CSMD1: variants seen among roughly 807,000 people sequenced by gnomAD.
The protein encoded by CSMD1 is CUB and Sushi multiple domains 1.
A neutral mutation model predicts 417.5 loss-of-function variants in CSMD1; 213 were observed. That is an observed-to-expected ratio of 0.51 (90% CI 0.46 to 0.57). The LOEUF is 0.57. Among genes scored for constraint, CSMD1 ranks in the 20% least tolerant of loss-of-function variants. The probability of loss-of-function intolerance (pLI) is 0.00; values close to 1 mark genes in which losing one functional copy is unlikely to be tolerated. For missense variants in CSMD1, 6,923 were observed against 4,529.7 expected, an observed-to-expected ratio of 1.53 and a Z score of -15.17; for synonymous variants, 2,862 against 1,736.8, an observed-to-expected ratio of 1.65 and a Z score of -16.11.
chr8:4,121,972 T>A (rs1277025067), intron 3 of CSMD1, among the ~76,000 whole-genome samples: 1 of 152,042 alleles, frequency 6.6e-6, no homozygotes, highest in Non-Finnish European at 1.5e-5. Context: ...TAATAATGCT[T>A]ATGTATAGAT....
At chr8:3,597,691 A>T (rs964425662) in intron 8 of CSMD1, among the ~76,000 whole-genome samples, 1 of 152,222 alleles carries the variant, frequency 6.6e-6, no homozygotes, top group Non-Finnish European at 1.5e-5. Context: ...TTGCAGGGAC[A>T]TGGATGAAAC....
chr8:4,055,878 T>C (rs1206157233), intron 3 of CSMD1, among the ~76,000 whole-genome samples: 2 of 152,160 alleles, frequency 1.3e-5, no homozygotes, highest in Admixed American at 6.6e-5. Flanking sequence ...CATACCAAAA[T>C]AGCACTTACA....
chr8:4,023,877 A>T (rs1272521025), intron 4 of CSMD1, among the ~76,000 whole-genome samples: 1 of 147,612 alleles, frequency 6.8e-6, no homozygotes, highest in African/African-American at 2.5e-5. Context: ...TTGGCCTCCC[A>T]AAGTGCTGGG....
chr8:4,076,216 G>C (rs1799814943), intron 3 of CSMD1, among the ~76,000 whole-genome samples: 1 of 152,136 alleles, frequency 6.6e-6, no homozygotes, highest in African/African-American at 2.4e-5. Flanking sequence ...GGTTTTAGAA[G>C]GGGCTTTTCC....
intron 1 of CSMD1, among the ~76,000 whole-genome samples, chr8:4,674,554 T>A (rs895814949): frequency 6.6e-5 from 10 of 152,078 alleles, no homozygotes; most frequent in African/African-American, 2.4e-4. Flanking sequence ...ATAATAGTAT[T>A]GAACAAAGAT....
chr8:4,359,874 T>G (rs1260562081), intron 3 of CSMD1, among the ~76,000 whole-genome samples: 1 of 152,232 alleles, frequency 6.6e-6, no homozygotes, highest in Non-Finnish European at 1.5e-5. Context: ...ACAACACTAC[T>G]AAATTCTAAA....
chr8:3,219,206 C>T (rs1391168012), intron 29 of CSMD1, 49 bp downstream of exon 29: 2 of 1,452,218 alleles, frequency 1.4e-6, no homozygotes, highest in African/African-American at 2.8e-5. Context: ...ACAATAAAAA[C>T]AGTCCTGATA....
chr8:4,033,244 T>A lies in CSMD1; in HGVS notation c.416-1145A>T, dbSNP rs1797446372. Among the ~76,000 whole-genome samples the A allele has an allele frequency of 2.1e-5, 3 of 146,184 alleles. No individual in the cohort carries two copies. In the Admixed American group the frequency reaches 2.1e-4, roughly 10 times the overall value. On this transcript the variant is annotated intron_variant, in intron 3 of 69. Transcript: ENST00000635120. ...TCGTGAGGTCAAGAGATCGAGACCA[T>A]CCTGGCTAACACGGTGAAACCCTGT... is the stretch of plus-strand genomic sequence containing the variant.
At chr8:4,343,255 G>T (rs77239888) in intron 3 of CSMD1, among the ~76,000 whole-genome samples, 2 of 152,082 alleles carry the variant, frequency 1.3e-5, no homozygotes, top group African/African-American at 4.8e-5. Context: ...GGAGGATGGA[G>T]GTTGCCAGTG....
intron 21 of CSMD1, among the ~76,000 whole-genome samples, chr8:3,357,046 G>A (rs1808842683): frequency 6.6e-6 from 1 of 152,084 alleles, no homozygotes; most frequent in Non-Finnish European, 1.5e-5. Flanking sequence ...AGTGAGGTGG[G>A]GCTAGGAGGG....
chr8:4,043,096 C>A (rs1324260028), intron 3 of CSMD1, among the ~76,000 whole-genome samples: 6 of 152,052 alleles, frequency 3.9e-5, no homozygotes, highest in Admixed American at 3.9e-4. Flanking sequence ...TGCACCACTG[C>A]ACTTCCAGCC....
chr8:4,247,467 C>G (rs1482146305), intron 3 of CSMD1, among the ~76,000 whole-genome samples: 1 of 152,128 alleles, frequency 6.6e-6, no homozygotes, highest in African/African-American at 2.4e-5. Flanking sequence ...AAAATGCTTT[C>G]TATCTCAATA....
chr8:3,281,311 G>C (rs530520052), intron 26 of CSMD1, among the ~76,000 whole-genome samples: 6 of 152,040 alleles, frequency 3.9e-5, no homozygotes, highest in Non-Finnish European at 7.4e-5. Flanking sequence ...AGGTGTGTTG[G>C]TGCGTGCTTG....
intron 57 of CSMD1, among the ~76,000 whole-genome samples, chr8:2,969,880 T>G (rs1804293618): frequency 6.6e-6 from 1 of 152,166 alleles, no homozygotes; most frequent in Non-Finnish European, 1.5e-5. Flanking sequence ...GTAACATATA[T>G]TGCAGTGGGC....
chr8:4,843,717 T>G (rs1368559401), intron 1 of CSMD1, among the ~76,000 whole-genome samples: 1 of 152,236 alleles, frequency 6.6e-6, no homozygotes, highest in Non-Finnish European at 1.5e-5. Flanking sequence ...TATATTATTC[T>G]GTTTTACACA....
In CSMD1 at chr8:2,966,553, G is replaced by T; in HGVS notation, c.9100+17C>A. On this transcript the variant is annotated intron_variant, in intron 58 of 69. Coordinates refer to ENST00000635120, the MANE Select transcript of CSMD1 (RefSeq NM_033225.6). The stretch of plus-strand genomic sequence containing the variant: ...TCATAGTAACGTCTGAGTCTACCAT[G>T]ATGTCTGCTTACTAACTTGTGCAGT... The T allele has an allele frequency of 6.2e-7, 1 of 1,608,082 alleles. No individual in the cohort carries two copies. Among genetic ancestry groups the T allele is most frequent in the South Asian group, 1.1e-5 (1 of 90,724 alleles).
chr8:3,783,544 G>T (rs895988801), intron 5 of CSMD1, among the ~76,000 whole-genome samples: 9 of 152,196 alleles, frequency 5.9e-5, no homozygotes, highest in Non-Finnish European at 1.0e-4. Flanking sequence ...CCCCTAAGGT[G>T]GGCACAGGAG....
At chr8:3,430,082 T>C (rs1325431993) in intron 12 of CSMD1, among the ~76,000 whole-genome samples, 15 of 152,184 alleles carry the variant, frequency 9.9e-5, no homozygotes, top group East Asian at 1.9e-4. Flanking sequence ...CACACATGCA[T>C]ATATACATAT....
chr8:3,491,033 C>T (rs1017633966), intron 11 of CSMD1, among the ~76,000 whole-genome samples: 1 of 152,114 alleles, frequency 6.6e-6, no homozygotes, highest in African/African-American at 2.4e-5. Context: ...TCTTCATCCC[C>T]AAATTCCTCA....
Sources: gnomAD v4.1 joint callset for allele counts (sites outside exome capture counted in the v4.1 genomes callset) on GRCh38, gnomAD v4.1.1 for gene constraint, MANE v1.5 for transcripts, NCBI Gene and HGNC (gene_info 2026-07-23, HGNC 2026-07-21) for gene names.